PCDHA5: variants seen among roughly 807,000 people sequenced by gnomAD.
PCDHA5 encodes the protein protocadherin alpha 5, also known as protocadherin alpha-5.
A neutral mutation model predicts 61.6 loss-of-function variants in PCDHA5; 43 were observed. The ratio of observed to expected loss-of-function variants is 0.70; its 90% CI spans 0.55 to 0.90. PCDHA5 has a LOEUF of 0.90. PCDHA5 is among the 40% of genes least tolerant of loss of function. The pLI is 0.00. For synonymous variants in PCDHA5, 627 were observed against 543.9 expected (o/e 1.15, Z -2.13); for missense variants, 1,298 against 1,222.7 (o/e 1.06, Z -0.92).
In PCDHA5 at chr5:141,011,141, A is replaced by G. The variant is rs1039778930; in HGVS notation, c.*1204A>G. 3.9e-5 allele frequency: 6 copies of G among 153,668 alleles called. No homozygotes were observed. In the Admixed American group the frequency reaches 3.9e-4, roughly 10 times the overall value. The allele number at this position is 153,668 out of a possible 1,614,324, so 9.5% of individuals were successfully genotyped here. On this transcript the variant is annotated 3_prime_UTR_variant, in exon 4 of 4. Coordinates refer to ENST00000529859, the MANE Select transcript of PCDHA5 (RefSeq NM_018908.3). Reference sequence around the variant, plus strand: ...ACAATTATGTGCACTTTGATACACAACCTTCTCTAACCAACTATATATCAA... The same window carrying G: ...ACAATTATGTGCACTTTGATACACAGCCTTCTCTAACCAACTATATATCAA...
chr5:140,852,811 G>A (rs2150522776), intron 1 of PCDHA5: 7 of 973,542 alleles, frequency 7.2e-6, no homozygotes, highest in East Asian at 1.1e-4. Flanking sequence ...TTTGTCTCCC[G>A]CCCTAAGTCC....
intron 1 of PCDHA5, chr5:140,927,771 G>C: frequency 6.2e-7 from 1 of 1,614,210 alleles, no homozygotes; most frequent in Non-Finnish European, 8.5e-7. Flanking sequence ...GTGGGGAGGT[G>C]CAAGTAGCTG....
At chr5:140,861,135 G>A (rs1182257816) in intron 1 of PCDHA5, 1 of 153,800 alleles carries the variant, frequency 6.5e-6, no homozygotes, top group East Asian at 1.9e-4. Context: ...AGACCACTTG[G>A]AACCTCAGGA....
chr5:140,857,101 C>T (rs781855221), intron 1 of PCDHA5: 2 of 1,597,612 alleles, frequency 1.3e-6, no homozygotes, highest in Non-Finnish European at 1.7e-6. Flanking sequence ...AGGTGATTGT[C>T]ACTTCTCTGT....
At chr5:140,859,390 C>G (rs911308831) in intron 1 of PCDHA5, 1 of 268,000 alleles carries the variant, frequency 3.7e-6, no homozygotes, top group Non-Finnish European at 6.7e-6. Flanking sequence ...CTCTAGTCAT[C>G]TTAAACAGGG....
intron 1 of PCDHA5, among the ~76,000 whole-genome samples, chr5:140,827,710 T>C (rs1414085053): frequency 3.3e-5 from 5 of 152,232 alleles, no homozygotes; most frequent in Admixed American, 6.5e-5. Context: ...GTTGCAAATA[T>C]TGGTAGAAAA....
chr5:140,843,045 G>A (rs1219663342), intron 1 of PCDHA5: 1 of 1,594,956 alleles, frequency 6.3e-7, no homozygotes, highest in Non-Finnish European at 8.6e-7. Flanking sequence ...GGCACTGGTG[G>A]CGCAGCGAGC....
chr5:140,875,449 A>T, intron 1 of PCDHA5: 2 of 1,590,426 alleles, frequency 1.3e-6, no homozygotes, highest in Non-Finnish European at 8.6e-7. Flanking sequence ...GATTGTCCCA[A>T]CTCAGAGGCC....
chr5:140,847,671 A>G (rs1178920203), intron 1 of PCDHA5: 1 of 149,902 alleles, frequency 6.7e-6, no homozygotes, highest in Admixed American at 6.7e-5. Flanking sequence ...TAAAGCTTGG[A>G]AAGAATCAAA....
At chr5:140,940,566 G>T (rs1226026261) in intron 1 of PCDHA5, among the ~76,000 whole-genome samples, 1 of 151,754 alleles carries the variant, frequency 6.6e-6, no homozygotes, top group African/African-American at 2.4e-5. Flanking sequence ...CTCCTACCTT[G>T]GCTCCCAAAG....
chr5:140,855,938 T>G, intron 1 of PCDHA5: 1 of 1,308,620 alleles, frequency 7.6e-7, no homozygotes, highest in South Asian at 1.5e-5. Context: ...CATTCTGAGA[T>G]CTCAGCCATT....
In PCDHA5 at chr5:140,823,507, G is replaced by C. The variant is rs1426749221; in HGVS notation, c.1732G>C (p.Glu578Gln). 1 of 1,613,236 alleles carries C rather than the reference G, an allele frequency of 6.2e-7. No individual in the cohort carries two copies. Among genetic ancestry groups the C allele is most frequent in the Non-Finnish European group, 8.5e-7 (1 of 1,179,688 alleles). ...GGGTGGCACCGGCGGCGCAGTGAGC[G>C]AGCTGGTGCCGAGGTCAGTGGGTGC... ...RVGGTGGAVSELVPRSVGAGH... is the reference protein window; with the variant it reads ...RVGGTGGAVSQLVPRSVGAGH... The change falls in exon 1 of 4, where the codon GAG becomes CAG. Residue 578 changes from glutamate to glutamine, a missense_variant. By Grantham distance (29) the Glu-to-Gln change is conservative. Transcript: ENST00000529859.
Position 140,830,236 on chromosome 5 carries a change from A to G in PCDHA5, c.2352+6109A>G, listed in dbSNP as rs148703931. On this transcript the variant is annotated intron_variant, in intron 1 of 3. Transcript: ENST00000529859. The stretch of plus-strand genomic sequence containing the variant: ...TATCCAGCCTGCTGGTCCTCACGCT[A>G]CTGCTGTACACAGCGCTGCGGTGCT... 2,313 of 1,613,834 alleles carry G rather than the reference A, an allele frequency of 1.4e-3. 31 individuals are homozygous for G. The African/African-American group carries it at 0.027, about 19-fold the overall frequency.
At chr5:140,849,996 G>A (rs2150462323) in intron 1 of PCDHA5, 4 of 1,597,014 alleles carry the variant, frequency 2.5e-6, no homozygotes, top group African/African-American at 2.7e-5. Flanking sequence ...GCGGTTGGGC[G>A]AGCGCTCGCT....
intron 1 of PCDHA5, among the ~76,000 whole-genome samples, chr5:140,938,635 G>A (rs1361017966): frequency 6.6e-6 from 1 of 151,982 alleles, no homozygotes; most frequent in Non-Finnish European, 1.5e-5. Context: ...TGCTTATGAT[G>A]TATAATCCTT....
intron 1 of PCDHA5, chr5:140,836,833 A>G (rs2150270629): frequency 1.5e-5 from 13 of 887,974 alleles, no homozygotes; most frequent in Non-Finnish European, 2.2e-5. Flanking sequence ...TTTAGTTGAT[A>G]GCTTTATGTA....
intron 3 of PCDHA5, among the ~76,000 whole-genome samples, chr5:141,003,132 C>G (rs1391034413): frequency 6.6e-6 from 1 of 152,208 alleles, no homozygotes; most frequent in African/African-American, 2.4e-5. Flanking sequence ...CTGGCATTTG[C>G]CTTGGCAAAG....
intron 1 of PCDHA5, chr5:140,966,642 GA>G (rs1563353190): frequency 3.1e-5 from 35 of 1,117,790 alleles, no homozygotes; most frequent in Non-Finnish European, 4.1e-5. Context: ...GCGCTTTCTA[GA>G]GCGTGAGCGG....
chr5:140,874,557 G>T (rs782715249), intron 1 of PCDHA5, among the ~76,000 whole-genome samples: 3 of 152,146 alleles, frequency 2.0e-5, no homozygotes, highest in African/African-American at 7.2e-5. Flanking sequence ...GAGATCTTTC[G>T]CATTTTAGTG....
Sources: gnomAD v4.1 joint callset for allele counts (sites outside exome capture counted in the v4.1 genomes callset) on GRCh38, gnomAD v4.1.1 for gene constraint, MANE v1.5 for transcripts, NCBI Gene and HGNC (gene_info 2026-07-23, HGNC 2026-07-21) for gene names.